WNT7B: variants seen among roughly 807,000 people sequenced by gnomAD.
WNT7B encodes the protein Wnt family member 7B.
In WNT7B, 19 loss-of-function variants were observed where a neutral mutation model predicts 38.2. That is an observed-to-expected ratio of 0.50 (90% CI 0.35 to 0.73). The LOEUF is 0.73. WNT7B is among the 30% of genes least tolerant of loss of function. The probability of loss-of-function intolerance (pLI) is 0.01; values close to 1 mark genes in which losing one functional copy is unlikely to be tolerated. For missense variants in WNT7B, 423 were observed against 507.9 expected, an observed-to-expected ratio of 0.83 and a Z score of 1.61; for synonymous variants, 243 against 209.3, an observed-to-expected ratio of 1.16 and a Z score of -1.39.
At chr22:45,939,691 G>A (rs561979864) in intron 2 of WNT7B, among the ~76,000 whole-genome samples, 3 of 147,616 alleles carry the variant, frequency 2.0e-5, no homozygotes, top group African/African-American at 7.8e-5. Context: ...AGGTGTGGTG[G>A]TGCACGTGCC....
intron 1 of WNT7B, among the ~76,000 whole-genome samples, chr22:45,967,320 C>T (rs1480335890): frequency 3.3e-5 from 5 of 152,166 alleles, no homozygotes; most frequent in Admixed American, 2.6e-4. Context: ...TGAGCCCCAT[C>T]TGAGCCGGAC....
In WNT7B at chr22:45,965,615, A is replaced by C. The variant is rs1035484869; in HGVS notation, c.71+11069T>G. Among the ~76,000 whole-genome samples the C allele has an allele frequency of 2.6e-5, 4 of 152,160 alleles. No homozygotes were observed. Among genetic ancestry groups the C allele is most frequent in the African/African-American group, 9.7e-5 (4 of 41,446 alleles). On this transcript the variant is annotated intron_variant, in intron 1 of 3. Coordinates refer to ENST00000339464, the MANE Select transcript of WNT7B (RefSeq NM_058238.3). This position sits in a 1 kb window ranked among gnomAD's most constrained non-coding sequence, Gnocchi z 6.5. ...CAGGAACAGGACCTGGGCATCCAGGACCACACACATGCTGACCCAACAAAG... is the reference window on the plus strand; with the variant it reads ...CAGGAACAGGACCTGGGCATCCAGGCCCACACACATGCTGACCCAACAAAG...
intron 3 of WNT7B, chr22:45,927,390 T>G (rs1423784159): frequency 6.6e-7 from 1 of 1,516,736 alleles, no homozygotes; most frequent in Non-Finnish European, 8.8e-7. Flanking sequence ...ACTCTGCCCA[T>G]CTCACTCTTG....
At chr22:45,949,516 A>G (rs1219582650) in intron 2 of WNT7B, among the ~76,000 whole-genome samples, 1 of 152,162 alleles carries the variant, frequency 6.6e-6, no homozygotes, top group Non-Finnish European at 1.5e-5. Context: ...CTCTCCAGAT[A>G]CAGGAATGGA....
intron 2 of WNT7B, 40 bp from the exon 3 acceptor site, chr22:45,931,409 C>G (rs1173087200): frequency 1.3e-6 from 2 of 1,538,536 alleles, no homozygotes; most frequent in South Asian, 1.2e-5. Context: ...GACCCCAGGC[C>G]CTGGGCCAGG....
chr22:45,964,161 G>C (rs1932258978), intron 1 of WNT7B, among the ~76,000 whole-genome samples: 1 of 152,168 alleles, frequency 6.6e-6, no homozygotes, highest in Admixed American at 6.5e-5. Flanking sequence ...GACTACTGCA[G>C]ACATGGAGTG....
At position 45,966,097 on chromosome 22, in the gene WNT7B, G is replaced by A. The variant is rs190339957; in HGVS notation, c.71+10587C>T. 6.2e-4 allele frequency among the ~76,000 whole-genome samples: 95 copies of A among 152,278 alleles called. No individual in the cohort carries two copies. The highest frequency in any genetic ancestry group is 1.1e-3 in the Non-Finnish European group (78 of 68,028). The stretch of plus-strand genomic sequence containing the variant: ...TAGCTCCCCTTCTCTGGCAGCCCGA[G>A]GGGGACACAGATTCCAAAGCAGACC... On this transcript the variant is annotated intron_variant, in intron 1 of 3. Transcript: ENST00000339464. The surrounding 1 kb of genome is among the most constrained non-coding windows in gnomAD (Gnocchi z 4.2).
intron 3 of WNT7B, among the ~76,000 whole-genome samples, chr22:45,928,866 CG>C (rs1931187647): frequency 6.6e-6 from 1 of 152,010 alleles, no homozygotes; most frequent in Non-Finnish European, 1.5e-5. Context: ...CCGCATACCA[CG>C]ACATACCACG....
chr22:45,962,409 C>A (rs1361362959), intron 1 of WNT7B, among the ~76,000 whole-genome samples: 1 of 152,228 alleles, frequency 6.6e-6, no homozygotes, highest in African/African-American at 2.4e-5. Context: ...CAGGGCCCAC[C>A]AGGATGCACC....
At chr22:45,935,200 T>G (rs1931484573) in intron 2 of WNT7B, among the ~76,000 whole-genome samples, 1 of 152,164 alleles carries the variant, frequency 6.6e-6, no homozygotes, top group African/African-American at 2.4e-5. Flanking sequence ...TGCTTAGACT[T>G]AGAAGCCGGT....
chr22:45,956,977 G>A (rs1358252584), intron 1 of WNT7B, among the ~76,000 whole-genome samples: 1 of 152,170 alleles, frequency 6.6e-6, no homozygotes, highest in Non-Finnish European at 1.5e-5. Flanking sequence ...GTGGTGGCGT[G>A]TGCCTGTAGT....
At chr22:45,953,671 A>T (rs1191513753) in intron 1 of WNT7B, among the ~76,000 whole-genome samples, 1 of 151,892 alleles carries the variant, frequency 6.6e-6, no homozygotes, top group East Asian at 1.9e-4. Flanking sequence ...GGGAAGGGCA[A>T]ACCAAAACCA....
chr22:45,959,714 C>T (rs1486071923), intron 1 of WNT7B, among the ~76,000 whole-genome samples: 2 of 152,190 alleles, frequency 1.3e-5, no homozygotes, highest in African/African-American at 2.4e-5. Flanking sequence ...TCCCGCCTCG[C>T]TCTGGACTGG....
chr22:45,971,900 G>A (rs1250571897), intron 1 of WNT7B, among the ~76,000 whole-genome samples: 7 of 152,206 alleles, frequency 4.6e-5, no homozygotes, highest in Admixed American at 2.6e-4. Flanking sequence ...TACTCCCGCA[G>A]TCGAGCCGCT....
At chr22:45,973,553 G>C (rs1932496138) in intron 1 of WNT7B, among the ~76,000 whole-genome samples, 1 of 152,188 alleles carries the variant, frequency 6.6e-6, no homozygotes, top group Admixed American at 6.5e-5. Context: ...CTTTCGGCAG[G>C]GCTGGTCCTA....
intron 2 of WNT7B, among the ~76,000 whole-genome samples, chr22:45,942,855 C>A (rs1207283027): frequency 6.6e-6 from 1 of 150,962 alleles, no homozygotes; most frequent in Non-Finnish European, 1.5e-5. Flanking sequence ...TGAGTGGGTG[C>A]TGTGTGTGTG....
chr22:45,936,244 A>G, intron 2 of WNT7B: 3 of 908,990 alleles, frequency 3.3e-6, no homozygotes, highest in African/African-American at 1.8e-5. Flanking sequence ...CATGGAACTC[A>G]AAATCCTCAC....
intron 2 of WNT7B, among the ~76,000 whole-genome samples, chr22:45,945,477 G>A (rs1221552701): frequency 1.3e-5 from 2 of 152,232 alleles, no homozygotes; most frequent in East Asian, 1.9e-4. Context: ...AAGAGATACT[G>A]TATTTGCTTT....
rs1465566507 is a variant in WNT7B at position 45,975,617 on chromosome 22, C to G, written c.71+1067G>C. 1 of 715,518 alleles carries G rather than the reference C, an allele frequency of 1.4e-6. No homozygotes were observed. Among genetic ancestry groups the G allele is most frequent in the Non-Finnish European group, 2.6e-6 (1 of 384,028 alleles). 44.3% of individuals were successfully genotyped at this position (715,518 alleles called of 1,614,324 possible). ...ATTCCCAGCGCCTGCTTCCACCTCT[C>G]CGCCTGGGAAGCCGCGTCTCCCACC... On this transcript the variant is annotated intron_variant, in intron 1 of 3. Transcript: ENST00000339464. This position sits in a 1 kb window ranked among gnomAD's most constrained non-coding sequence, Gnocchi z 6.6.
Sources: allele counts gnomAD v4.1 joint callset (sites outside exome capture counted in the v4.1 genomes callset), GRCh38; gene constraint gnomAD v4.1.1; non-coding constraint Gnocchi (gnomAD v3.1); transcripts MANE v1.5; gene names NCBI Gene and HGNC (gene_info 2026-07-23, HGNC 2026-07-21).